EYS: variants seen among roughly 807,000 people sequenced by gnomAD.
EYS encodes the protein EGF-like photoreceptor maintenance factor.
In EYS, 250 loss-of-function variants were observed where a neutral mutation model predicts 282.1. That is an observed-to-expected ratio of 0.89 (90% CI 0.80 to 0.98). EYS has a LOEUF of 0.98. EYS is among the 50% of genes least tolerant of loss of function. The probability of loss-of-function intolerance (pLI) is 0.00; values close to 1 mark genes in which losing one functional copy is unlikely to be tolerated. For synonymous variants in EYS, 1,355 were observed against 1,282.9 expected (o/e 1.06, Z -1.20); for missense variants, 4,016 against 3,709.0 (o/e 1.08, Z -2.15).
At chr6:65,014,382 A>G (rs1440497124) in intron 13 of EYS, among the ~76,000 whole-genome samples, 2 of 152,220 alleles carry the variant, frequency 1.3e-5, no homozygotes, top group Non-Finnish European at 2.9e-5. Flanking sequence ...TATTAAATCT[A>G]TAAGCTTGTG....
chr6:65,003,457 C>T (rs1261233265), intron 13 of EYS, among the ~76,000 whole-genome samples: 1 of 147,738 alleles, frequency 6.8e-6, no homozygotes, highest in African/African-American at 2.4e-5. Context: ...TTAATTTCAC[C>T]TCAGTCCTGT....
At chr6:64,388,554 A>T (rs1772985634) in intron 29 of EYS, 136 bp downstream of exon 29, 1 of 682,148 alleles carries the variant, frequency 1.5e-6, no homozygotes, top group East Asian at 3.0e-5. Context: ...GAGTCACTCA[A>T]AAACTTTTTT....
Position 63,824,007 on chromosome 6 carries a change from C to CCTA in EYS, c.7229-17638_7229-17636dup, listed in dbSNP as rs1190681732. Among the ~76,000 whole-genome samples the CCTA allele has an allele frequency of 2.6e-5, 4 of 152,172 alleles. 1 individual carries two copies. Among genetic ancestry groups the CCTA allele is most frequent in the Admixed American group, 2.6e-4 (4 of 15,284 alleles). On this transcript the variant is annotated intron_variant, in intron 36 of 42. Transcript: ENST00000503581. The stretch of plus-strand genomic sequence containing the variant: ...TACTCCAATTTCTATAACTCAGGAA[C>CCTA]CTACTTCCACCAAGCTTCCCACTGA...
intron 28 of EYS, among the ~76,000 whole-genome samples, chr6:64,414,239 T>C (rs1053398832): frequency 2.6e-5 from 4 of 152,088 alleles, no homozygotes; most frequent in African/African-American, 9.7e-5. Context: ...CAAATAAATA[T>C]CTGAAAGTTA....
intron 29 of EYS, among the ~76,000 whole-genome samples, chr6:64,319,632 T>C (rs1415118731): frequency 3.3e-5 from 5 of 151,868 alleles, no homozygotes; most frequent in African/African-American, 1.2e-4. Context: ...TCTGAAGATA[T>C]GTGTGTGCAT....
chr6:64,476,461 T>TC (rs1399303469), intron 26 of EYS, among the ~76,000 whole-genome samples: 1 of 151,850 alleles, frequency 6.6e-6, no homozygotes, highest in African/African-American at 2.4e-5. Context: ...GTACAAACTC[T>TC]CCCCAGAAGA....
intron 12 of EYS, among the ~76,000 whole-genome samples, chr6:65,148,051 A>G (rs1764520633): frequency 1.3e-5 from 2 of 152,000 alleles, no homozygotes; most frequent in Non-Finnish European, 2.9e-5. Flanking sequence ...ACAATTCAAG[A>G]TGAGATTCGG....
intron 2 of EYS, among the ~76,000 whole-genome samples, chr6:65,598,230 C>T (rs1377760251): frequency 2.0e-5 from 1 of 51,250 alleles, no homozygotes; most frequent in Non-Finnish European, 3.6e-5. Context: ...AGACCCTCCT[C>T]CCCACCCACC....
chr6:65,496,557 A>G (rs1766265183), intron 2 of EYS, among the ~76,000 whole-genome samples: 1 of 152,064 alleles, frequency 6.6e-6, no homozygotes, highest in Non-Finnish European at 1.5e-5. Flanking sequence ...TCATTTGTTT[A>G]ATGTCCTTAG....
chr6:64,673,042 A>G (rs1769520977), intron 22 of EYS, among the ~76,000 whole-genome samples: 1 of 152,156 alleles, frequency 6.6e-6, no homozygotes, highest in South Asian at 2.1e-4. Flanking sequence ...GCTCTGCTTA[A>G]AGCTATACTG....
At chr6:63,913,473 T>C (rs1764332060) in intron 35 of EYS, among the ~76,000 whole-genome samples, 3 of 152,228 alleles carry the variant, frequency 2.0e-5, no homozygotes, top group South Asian at 4.1e-4. Context: ...AGAAGCTCCA[T>C]GCCCATTATC....
chr6:64,834,853 A>G (rs1413310609), intron 19 of EYS, among the ~76,000 whole-genome samples: 1 of 151,820 alleles, frequency 6.6e-6, no homozygotes, highest in Non-Finnish European at 1.5e-5. Context: ...TGATTTATGC[A>G]TAAACCAACC....
intron 36 of EYS, among the ~76,000 whole-genome samples, chr6:63,862,598 AT>A (rs1394521437): frequency 6.6e-6 from 1 of 152,112 alleles, no homozygotes; most frequent in Non-Finnish European, 1.5e-5. Flanking sequence ...TTTACTTCTT[AT>A]TTTATATGGT....
intron 22 of EYS, among the ~76,000 whole-genome samples, chr6:64,654,162 T>A (rs1293165744): frequency 6.6e-6 from 1 of 152,210 alleles, no homozygotes; most frequent in Non-Finnish European, 1.5e-5. Context: ...AAACAGCAGT[T>A]TTCTGTTTCT....
intron 33 of EYS, among the ~76,000 whole-genome samples, chr6:64,011,606 G>T (rs1768635806): frequency 6.7e-6 from 1 of 150,252 alleles, no homozygotes; most frequent in South Asian, 2.1e-4. Context: ...TTTTTTTCCA[G>T]AGAGAAATAG....
intron 7 of EYS, among the ~76,000 whole-genome samples, chr6:65,398,077 C>T (rs899010015): frequency 6.6e-6 from 1 of 151,698 alleles, no homozygotes; most frequent in Admixed American, 6.6e-5. Flanking sequence ...TTTGTTCATG[C>T]CTTTTGCTGA....
rs1318665610 is a variant in EYS at position 64,406,657 on chromosome 6, C to A, written c.5928-17817G>T. On this transcript the variant is annotated intron_variant, in intron 28 of 42. Coordinates refer to ENST00000503581, the MANE Select transcript of EYS (RefSeq NM_001142800.2). Reference sequence around the variant, plus strand: ...TCAAAAAGTGAGCGAAGGATATGAACAGACACTTCTCAAAAAAAGACATTT... The same window carrying A: ...TCAAAAAGTGAGCGAAGGATATGAAAAGACACTTCTCAAAAAAAGACATTT... Among the ~76,000 whole-genome samples the A allele has an allele frequency of 2.0e-5, 3 of 152,148 alleles. No homozygotes were observed. The East Asian group carries it at 5.8e-4, about 29-fold the overall frequency.
intron 35 of EYS, among the ~76,000 whole-genome samples, chr6:63,977,501 A>G (rs1766895226): frequency 6.6e-6 from 1 of 152,046 alleles, no homozygotes; most frequent in African/African-American, 2.4e-5. Flanking sequence ...TCCCAATCCC[A>G]GAAAGACATG....
intron 29 of EYS, among the ~76,000 whole-genome samples, chr6:64,309,060 A>G (rs1294926904): frequency 6.6e-6 from 1 of 152,118 alleles, no homozygotes; most frequent in African/African-American, 2.4e-5. Flanking sequence ...ATAGTTTACT[A>G]TTAAAAAAAT....
Sources: gnomAD v4.1 joint callset for allele counts (sites outside exome capture counted in the v4.1 genomes callset) on GRCh38, gnomAD v4.1.1 for gene constraint, MANE v1.5 for transcripts, NCBI Gene and HGNC (gene_info 2026-07-23, HGNC 2026-07-21) for gene names.